The following MARCHF3 variants were observed in gnomAD, a reference collection of about 807,000 sequenced individuals.
MARCHF3 encodes the protein E3 ubiquitin-protein ligase MARCHF3.
A neutral mutation model predicts 24.2 loss-of-function variants in MARCHF3; 13 were observed. That is an observed-to-expected ratio of 0.54 (90% CI 0.35 to 0.85). The LOEUF is 0.85. MARCHF3 is among the 40% of genes least tolerant of loss of function. The probability of loss-of-function intolerance (pLI) is 0.01; values close to 1 mark genes in which losing one functional copy is unlikely to be tolerated. For synonymous variants in MARCHF3, 144 were observed against 137.3 expected (o/e 1.05, Z -0.34); for missense variants, 276 against 325.0 (o/e 0.85, Z 1.16).
At chr5:126,889,932 T>C (rs1446970402) in intron 3 of MARCHF3, among the ~76,000 whole-genome samples, 2 of 152,194 alleles carry the variant, frequency 1.3e-5, no homozygotes, top group African/African-American at 4.8e-5. Flanking sequence ...GTCTAAGCTG[T>C]TCATGATTTT....
chr5:126,895,855 G>T lies in MARCHF3; in HGVS notation c.394-17461C>A, dbSNP rs112244043. ...TGGGCTCCACCCAGTTGGAGCTTCCGGGCTGCTTTGTTTACCTAATCAAGC... is the reference window on the plus strand; with the variant it reads ...TGGGCTCCACCCAGTTGGAGCTTCCTGGCTGCTTTGTTTACCTAATCAAGC... On this transcript the variant is annotated intron_variant, in intron 3 of 4. Coordinates refer to ENST00000308660, the MANE Select transcript of MARCHF3 (RefSeq NM_178450.5). Among the ~76,000 whole-genome samples the T allele has an allele frequency of 1.7e-3, 260 of 152,224 alleles. 3 individuals carry two copies. Among genetic ancestry groups the T allele is most frequent in the African/African-American group, 5.6e-3 (232 of 41,502 alleles).
At chr5:126,879,360 G>A (rs776663115) in intron 3 of MARCHF3, among the ~76,000 whole-genome samples, 1 of 152,086 alleles carries the variant, frequency 6.6e-6, no homozygotes, top group African/African-American at 2.4e-5. Flanking sequence ...GGATGGTCTT[G>A]GGGATACCAA....
rs1554118635 is a variant in MARCHF3, at chr5:126,869,581, G to GTTTTTTTTT, written c.*1051_*1052insAAAAAAAAA. Reference sequence around the variant, plus strand: ...AATAAGTGCAGGGCTGCTAGGACAGGCTTTTTTTTTTTTTTTTTTTTTTGC... The same window carrying GTTTTTTTTT: ...AATAAGTGCAGGGCTGCTAGGACAGGTTTTTTTTTCTTTTTTTTTTTTTTTTTTTTTTGC... On this transcript the variant is annotated 3_prime_UTR_variant, in exon 5 of 5. Coordinates refer to ENST00000308660, the MANE Select transcript of MARCHF3 (RefSeq NM_178450.5). The GTTTTTTTTT allele has an allele frequency of 4.8e-5, 1 of 20,920 alleles. No homozygotes were observed. The highest frequency in any genetic ancestry group is 1.4e-4 in the African/African-American group (1 of 7,086). 1.3% of individuals were successfully genotyped at this position (20,920 alleles called of 1,614,324 possible). A position where few individuals can be genotyped will look rare whatever the true frequency, so the allele number is the denominator to read the frequency against.
chr5:126,992,706 G>A (rs1272779695), intron 1 of MARCHF3, among the ~76,000 whole-genome samples: 1 of 151,776 alleles, frequency 6.6e-6, no homozygotes, highest in Non-Finnish European at 1.5e-5. Context: ...CGATTACAAA[G>A]GGACATCAGA....
At chr5:126,896,291 T>C (rs532870333) in intron 3 of MARCHF3, among the ~76,000 whole-genome samples, 31 of 152,218 alleles carry the variant, frequency 2.0e-4, no homozygotes, top group African/African-American at 7.2e-4. Flanking sequence ...GGCTGGGAGC[T>C]GTAGACTGGA....
chr5:126,929,419 C>G (rs1311455392), intron 1 of MARCHF3, among the ~76,000 whole-genome samples: 1 of 152,222 alleles, frequency 6.6e-6, no homozygotes, highest in Non-Finnish European at 1.5e-5. Flanking sequence ...TTCTAAGGGT[C>G]TAATGATTGC....
At chr5:126,977,852 G>A (rs867460875) in intron 1 of MARCHF3, among the ~76,000 whole-genome samples, 5 of 152,218 alleles carry the variant, frequency 3.3e-5, no homozygotes, top group Non-Finnish European at 5.9e-5. Flanking sequence ...TGCCTTCAAT[G>A]TATTAAGTAA....
intron 4 of MARCHF3, among the ~76,000 whole-genome samples, chr5:126,874,756 C>G (rs1753090963): frequency 6.6e-6 from 1 of 152,118 alleles, no homozygotes; most frequent in South Asian, 2.1e-4. Context: ...TCTGACTGCA[C>G]TGGGGAAAAG....
rs1432131785 is a variant in MARCHF3 at position 126,906,935 on chromosome 5, G to A, written c.393+7995C>T. Among the ~76,000 whole-genome samples, 5 of 151,758 alleles carry A rather than the reference G, an allele frequency of 3.3e-5. No individual in the cohort carries two copies. In the East Asian group the frequency reaches 7.7e-4, roughly 23 times the overall value. ...AGGGTGTCAATTTTGGATCTTTCCT[G>A]CTTTCTCTTGTGGGCATTTAGTGCT... On this transcript the variant is annotated intron_variant, in intron 3 of 4. Coordinates refer to ENST00000308660, the MANE Select transcript of MARCHF3 (RefSeq NM_178450.5).
At chr5:126,887,270 C>T (rs751395657) in intron 3 of MARCHF3, among the ~76,000 whole-genome samples, 4 of 152,136 alleles carry the variant, frequency 2.6e-5, no homozygotes, top group Non-Finnish European at 4.4e-5. Flanking sequence ...AAAATCACAT[C>T]TTTATTTTCA....
At chr5:126,938,265 T>C (rs1749713248) in intron 1 of MARCHF3, among the ~76,000 whole-genome samples, 1 of 151,138 alleles carries the variant, frequency 6.6e-6, no homozygotes, top group South Asian at 2.1e-4. Flanking sequence ...CCTCCCAGGT[T>C]CAAGCGATTC....
chr5:127,003,458 A>C (rs1752205318), intron 1 of MARCHF3, among the ~76,000 whole-genome samples: 2 of 137,156 alleles, frequency 1.5e-5, no homozygotes, highest in South Asian at 2.3e-4. Context: ...ACAGAGCGAG[A>C]CTCCGTCTCA....
At chr5:126,875,100 TC>T (rs1753104096) in intron 4 of MARCHF3, among the ~76,000 whole-genome samples, 1 of 152,100 alleles carries the variant, frequency 6.6e-6, no homozygotes, top group Non-Finnish European at 1.5e-5. Context: ...ACCGACAATT[TC>T]TTCATGTTTA....
At chr5:126,887,930 C>A (rs1232295055) in intron 3 of MARCHF3, among the ~76,000 whole-genome samples, 3 of 152,202 alleles carry the variant, frequency 2.0e-5, no homozygotes, top group Non-Finnish European at 1.5e-5. Context: ...TTACCAGAGA[C>A]AATCTTGTTT....
At position 126,869,241 on chromosome 5, in the gene MARCHF3, G is replaced by A. The variant is rs534212343; in HGVS notation, c.*1392C>T. 26 of 152,324 alleles carry A rather than the reference G, an allele frequency of 1.7e-4. No individual in the cohort carries two copies. The highest frequency in any genetic ancestry group is 1.3e-3 in the Admixed American group (20 of 15,298). 9.4% of individuals were successfully genotyped at this position (152,324 alleles called of 1,614,324 possible). ...GATGCTGGAGTGATACTCAGAATGT[G>A]GGTCATGTTCTAGAATTCCATATTT... On this transcript the variant is annotated 3_prime_UTR_variant, in exon 5 of 5. Transcript: ENST00000308660.
At chr5:126,916,142 A>C (rs1372693706) in intron 2 of MARCHF3, among the ~76,000 whole-genome samples, 1 of 152,230 alleles carries the variant, frequency 6.6e-6, no homozygotes, top group Non-Finnish European at 1.5e-5. Flanking sequence ...TCATCAGGTA[A>C]GTCAGTGGCC....
chr5:126,930,421 G>A (rs1464943648), intron 1 of MARCHF3, among the ~76,000 whole-genome samples: 1 of 152,184 alleles, frequency 6.6e-6, no homozygotes, highest in Admixed American at 6.5e-5. Flanking sequence ...GGTGCCACTT[G>A]CCCCTGCAGA....
intron 1 of MARCHF3, among the ~76,000 whole-genome samples, chr5:126,931,412 C>A (rs911905954): frequency 2.6e-5 from 4 of 152,052 alleles, no homozygotes; most frequent in African/African-American, 9.7e-5. Context: ...TATAAATAAA[C>A]GAATACAAGC....
At chr5:126,887,013 A>C (rs1312954624) in intron 3 of MARCHF3, among the ~76,000 whole-genome samples, 2 of 152,100 alleles carry the variant, frequency 1.3e-5, no homozygotes, top group Non-Finnish European at 2.9e-5. Context: ...TTTTTACCTA[A>C]AAGATGGTAC....
Sources: gnomAD v4.1 joint callset for allele counts (sites outside exome capture counted in the v4.1 genomes callset) on GRCh38, gnomAD v4.1.1 for gene constraint, MANE v1.5 for transcripts, NCBI Gene and HGNC (gene_info 2026-07-23, HGNC 2026-07-21) for gene names.